Variants in AKR7A3 observed in about 807,000 individuals in gnomAD.
The protein encoded by AKR7A3 is aldo-keto reductase family 7 member A3.
AKR7A3 carries 37 observed loss-of-function variants against 32.5 expected under a neutral mutation model. The observed-to-expected ratio is 1.14, with a 90% confidence interval of 0.88 to 1.50. The LOEUF is 1.50. AKR7A3 is among the 40% of genes most tolerant of loss of function. The pLI is 0.00. For missense variants in AKR7A3, 412 were observed against 453.2 expected (o/e 0.91, Z 0.83); for synonymous variants, 177 against 188.4 (o/e 0.94, Z 0.50).
rs569658357 is a variant in AKR7A3 at position 19,286,080 on chromosome 1, C to T, written c.403-88G>A. 3.1e-5 allele frequency: 49 copies of T among 1,588,714 alleles called. No homozygotes were observed. The South Asian group carries it at 4.8e-4, about 16-fold the overall frequency. On this transcript the variant is annotated intron_variant, in intron 2 of 6. Coordinates refer to ENST00000361640, the MANE Select transcript of AKR7A3 (RefSeq NM_012067.3). ...TGGGGCCCCTGGGAGTTGGGCTGTTCCCTGCTCCACCCTGGAACAGCCCTG... is the reference window on the plus strand; with the variant it reads ...TGGGGCCCCTGGGAGTTGGGCTGTTTCCTGCTCCACCCTGGAACAGCCCTG...
chr1:19,281,747 G>A (rs1233254132), downstream of AKR7A3, among the ~76,000 whole-genome samples: 2 of 151,994 alleles, frequency 1.3e-5, no homozygotes, highest in Non-Finnish European at 2.9e-5. Context: ...ATTGAATTTT[G>A]CCCAAGGCCC....
Position 19,286,354 on chromosome 1 carries a change from G to A in AKR7A3, c.233C>T (p.Ala78Val). 6.2e-7 allele frequency: 1 copy of A among 1,613,756 alleles called. No individual in the cohort carries two copies. Among genetic ancestry groups the A allele is most frequent in the Non-Finnish European group, 8.5e-7 (1 of 1,179,964 alleles). The change falls in exon 2 of 7, where the codon GCC becomes GTC. Residue 78 changes from alanine (A) to valine (V), a missense_variant. By Grantham distance (64) the Ala-to-Val change is moderately conservative. Transcript: ENST00000361640. ...SDCRVKIDTK[A>V]IPLFGNSLKP... ...CAGGGAGTTCCCAAACAGTGGAATG[G>A]CCTTGGTATCAATTTTCACTGAGAG...
chr1:19,285,860 C>A (rs2093728661), intron 3 of AKR7A3, 28 bp downstream of exon 3: 6 of 1,613,116 alleles, frequency 3.7e-6, no homozygotes, highest in Non-Finnish European at 5.1e-6. Flanking sequence ...GTTCTGGAGA[C>A]CTTGGCCTCT....
At chr1:19,281,784 G>T (rs756522583), downstream of AKR7A3, among the ~76,000 whole-genome samples, 23 of 152,048 alleles carry the variant, frequency 1.5e-4, no homozygotes, top group Non-Finnish European at 1.8e-4. Context: ...GCACCAGTGT[G>T]CCCAGGATGT....
intron 1 of AKR7A3, among the ~76,000 whole-genome samples, chr1:19,287,101 G>A (rs2093731993): frequency 6.6e-6 from 1 of 151,846 alleles, no homozygotes; most frequent in South Asian, 2.1e-4. Flanking sequence ...GAGCTCAGGG[G>A]TTTAAGACCA....
chr1:19,278,980 C>T (rs550273846), downstream of AKR7A3, among the ~76,000 whole-genome samples: 18 of 152,004 alleles, frequency 1.2e-4, no homozygotes, highest in East Asian at 3.3e-3. Context: ...TATTTAGAAA[C>T]ATGGTTTGCT....
At chr1:19,286,407 C>A in intron 1 of AKR7A3, 35 bp from the exon 2 acceptor site, 1 of 1,602,698 alleles carries the variant, frequency 6.2e-7, no homozygotes, top group Non-Finnish European at 8.5e-7. Flanking sequence ...CAGGGCCAGG[C>A]GCCGTGGCTC....
At chr1:19,285,180 T>C in intron 3 of AKR7A3, 66 bp from the exon 4 acceptor site, 1 of 1,460,912 alleles carries the variant, frequency 6.8e-7, no homozygotes, top group East Asian at 2.3e-5. Context: ...AAAATTACCC[T>C]TCCAGAACCC....
downstream of AKR7A3, among the ~76,000 whole-genome samples, chr1:19,279,746 C>T (rs1411317363): frequency 6.6e-6 from 1 of 151,778 alleles, no homozygotes; most frequent in Non-Finnish European, 1.5e-5. Context: ...TATTTGGATC[C>T]TTTGTTCATT....
intron 6 of AKR7A3, among the ~76,000 whole-genome samples, chr1:19,283,339 C>A (rs956622370): frequency 4.6e-5 from 7 of 151,762 alleles, no homozygotes; most frequent in Non-Finnish European, 1.5e-5. Context: ...GAGGGAAACT[C>A]CAGCTCCCAC....
downstream of AKR7A3, among the ~76,000 whole-genome samples, chr1:19,277,956 C>G (rs577168481): frequency 2.6e-5 from 4 of 152,058 alleles, no homozygotes; most frequent in South Asian, 8.3e-4. Flanking sequence ...CTCTGAAGCA[C>G]GAACATTCTA....
At chr1:19,283,581 G>A (rs969130381) in intron 6 of AKR7A3, among the ~76,000 whole-genome samples, 4 of 152,058 alleles carry the variant, frequency 2.6e-5, no homozygotes, top group African/African-American at 9.7e-5. Flanking sequence ...TATAATCCCA[G>A]CACTTTCAGA....
At chr1:19,288,378 C>T (rs1402302036) in intron 1 of AKR7A3, 118 bp downstream of exon 1, 42 of 1,102,798 alleles carry the variant, frequency 3.8e-5, no homozygotes, top group Non-Finnish European at 4.4e-5. Context: ...GGGGTGGGGG[C>T]GGTGGGGGGG....
the AKR7A3 span, among the ~76,000 whole-genome samples, chr1:19,275,699 G>C: frequency 6.6e-6 from 1 of 151,768 alleles, no homozygotes; most frequent in Non-Finnish European, 1.5e-5. Context: ...CAGTTACTCA[G>C]GAGGTTGAGG....
At chr1:19,286,920 C>G (rs184209739) in intron 1 of AKR7A3, among the ~76,000 whole-genome samples, 1 of 151,778 alleles carries the variant, frequency 6.6e-6, no homozygotes, top group African/African-American at 2.4e-5. Flanking sequence ...AACTTCAGAT[C>G]AGATCTGAGG....
chr1:19,282,967 C>T, intron 6 of AKR7A3, 75 bp from the exon 7 acceptor site: 1 of 1,580,006 alleles, frequency 6.3e-7, no homozygotes, highest in Non-Finnish European at 8.7e-7. Flanking sequence ...CCAGCCACCT[C>T]CCTGCTGAGA....
intron 1 of AKR7A3, among the ~76,000 whole-genome samples, chr1:19,288,067 G>T (rs942612888): frequency 6.6e-6 from 1 of 152,222 alleles, no homozygotes; most frequent in African/African-American, 2.4e-5. Flanking sequence ...TCTGATTTTG[G>T]ACTGTGCCAG....
intron 6 of AKR7A3, 105 bp from the exon 7 acceptor site, chr1:19,282,997 C>A (rs1313657722): frequency 2.1e-6 from 3 of 1,432,046 alleles, no homozygotes; most frequent in Admixed American, 1.7e-5. Flanking sequence ...TCTTGTATCC[C>A]ATATGTCCAG....
At chr1:19,286,021 T>C (rs756163705) in intron 2 of AKR7A3, 29 bp from the exon 3 acceptor site, 11 of 1,612,724 alleles carry the variant, frequency 6.8e-6, no homozygotes, top group African/African-American at 4.0e-5. Flanking sequence ...AGTCAGAACA[T>C]AGTGCAGCCC....
Sources: allele counts gnomAD v4.1 joint callset (sites outside exome capture counted in the v4.1 genomes callset), GRCh38; gene constraint gnomAD v4.1.1; transcripts MANE v1.5; gene names NCBI Gene and HGNC (gene_info 2026-07-23, HGNC 2026-07-21).